The following GPM6A variants were observed in gnomAD, a reference collection of about 807,000 sequenced individuals.
The protein encoded by GPM6A is glycoprotein M6A, also known as neuronal membrane glycoprotein M6-a.
A neutral mutation model predicts 32.1 loss-of-function variants in GPM6A; 7 were observed. The observed-to-expected ratio is 0.22, with a 90% confidence interval of 0.12 to 0.41. The LOEUF (loss-of-function observed/expected upper bound fraction) is 0.41. Among genes scored for constraint, GPM6A ranks in the 10% least tolerant of loss-of-function variants. The probability of loss-of-function intolerance (pLI) is 1.00; values close to 1 mark genes in which losing one functional copy is unlikely to be tolerated. For missense variants in GPM6A, 235 were observed against 347.2 expected (o/e 0.68, Z 2.57); for synonymous variants, 130 against 123.4 (o/e 1.05, Z -0.35).
At chr4:175,994,160 G>T (rs1457251338) in intron 1 of GPM6A, among the ~76,000 whole-genome samples, 1 of 152,110 alleles carries the variant, frequency 6.6e-6, no homozygotes, top group African/African-American at 2.4e-5. Flanking sequence ...GAGACAGGAG[G>T]TTATTAGTAA....
chr4:175,831,715 C>CTTTTTT (rs780096379), intron 1 of GPM6A, among the ~76,000 whole-genome samples: 1,402 of 69,692 alleles, frequency 0.02, 34 homozygotes, highest in Non-Finnish European at 0.026. Context: ...TTAGCCATCT[C>CTTTTTT]TTTTTTTTTT....
chr4:175,793,952 C>A (rs910605052), intron 1 of GPM6A, among the ~76,000 whole-genome samples: 1 of 151,664 alleles, frequency 6.6e-6, no homozygotes, highest in Non-Finnish European at 1.5e-5. Context: ...AGTCTTTGCT[C>A]ATTTTACTTT....
intron 1 of GPM6A, among the ~76,000 whole-genome samples, chr4:175,809,039 C>T (rs1399718319): frequency 1.3e-5 from 2 of 152,162 alleles, no homozygotes; most frequent in Non-Finnish European, 2.9e-5. Flanking sequence ...TTCAGCAAGG[C>T]CTTCATTAGG....
chr4:175,637,491 T>A (rs1193743551), intron 6 of GPM6A, among the ~76,000 whole-genome samples: 1 of 72,852 alleles, frequency 1.4e-5, no homozygotes. Flanking sequence ...ATATATGACC[T>A]TTATATATAT....
intron 1 of GPM6A, among the ~76,000 whole-genome samples, chr4:175,783,471 G>C (rs969817894): frequency 1.3e-5 from 2 of 151,848 alleles, no homozygotes; most frequent in Non-Finnish European, 2.9e-5. Context: ...TATGAAAGGA[G>C]CTTAACATAC....
At chr4:175,990,795 T>C (rs567596588) in intron 1 of GPM6A, among the ~76,000 whole-genome samples, 1 of 152,228 alleles carries the variant, frequency 6.6e-6, no homozygotes, top group East Asian at 1.9e-4. Context: ...TCCCTTTACC[T>C]GTCAGCTGAT....
chr4:175,683,691 C>T (rs1229900107), intron 2 of GPM6A, among the ~76,000 whole-genome samples: 1 of 152,088 alleles, frequency 6.6e-6, no homozygotes, highest in African/African-American at 2.4e-5. Context: ...CTCTCTTGCT[C>T]CTGCTCTGGC....
chr4:175,656,849 T>A (rs1051238375), intron 3 of GPM6A, among the ~76,000 whole-genome samples: 1 of 152,126 alleles, frequency 6.6e-6, no homozygotes, highest in African/African-American at 2.4e-5. Context: ...CTGACTCTGA[T>A]TGCACAAGTC....
chr4:175,775,152 A>G (rs536493128), intron 1 of GPM6A, among the ~76,000 whole-genome samples: 2 of 152,264 alleles, frequency 1.3e-5, no homozygotes, highest in South Asian at 2.1e-4. Context: ...TTGCTCTAGA[A>G]CACTGCAAGG....
intron 1 of GPM6A, among the ~76,000 whole-genome samples, chr4:175,761,407 A>G (rs1170065662): frequency 1.3e-5 from 2 of 152,128 alleles, no homozygotes; most frequent in African/African-American, 4.8e-5. Context: ...CAAAAATTCT[A>G]ATCGCTACAC....
chr4:175,662,239 C>T (rs1250903152), intron 3 of GPM6A, among the ~76,000 whole-genome samples: 1 of 151,876 alleles, frequency 6.6e-6, no homozygotes, highest in Non-Finnish European at 1.5e-5. Flanking sequence ...AGGAGCACAC[C>T]CTCTTGCCTG....
At chr4:175,873,769 C>T (rs1266709322) in intron 1 of GPM6A, among the ~76,000 whole-genome samples, 2 of 152,260 alleles carry the variant, frequency 1.3e-5, no homozygotes, top group South Asian at 2.1e-4. Flanking sequence ...CTATTACAGA[C>T]TCTCAATATG....
intron 1 of GPM6A, among the ~76,000 whole-genome samples, chr4:175,927,516 T>A (rs982622679): frequency 1.3e-5 from 2 of 152,360 alleles, no homozygotes; most frequent in African/African-American, 4.8e-5. Context: ...ACACATATCC[T>A]CATGCTTTAT....
At chr4:175,884,156 A>G (rs1388901415) in intron 1 of GPM6A, among the ~76,000 whole-genome samples, 1 of 152,192 alleles carries the variant, frequency 6.6e-6, no homozygotes, top group Admixed American at 6.5e-5. Flanking sequence ...AATATTTGTC[A>G]AGCATTACTT....
intron 1 of GPM6A, among the ~76,000 whole-genome samples, chr4:175,887,376 G>A (rs183243406): frequency 1.6e-3 from 239 of 151,930 alleles, no homozygotes; most frequent in African/African-American, 5.5e-3. Flanking sequence ...CTGAACTTCA[G>A]TGAAAAAAAT....
chr4:175,996,530 C>T (rs990326504), intron 1 of GPM6A, among the ~76,000 whole-genome samples: 2 of 152,222 alleles, frequency 1.3e-5, no homozygotes, highest in Non-Finnish European at 2.9e-5. Context: ...GAACAGTACC[C>T]TACAATAGCC....
At chr4:175,654,263 AG>A (rs1294128227) in intron 3 of GPM6A, 2 of 152,186 alleles carry the variant, frequency 1.3e-5, no homozygotes, top group Non-Finnish European at 2.9e-5. Context: ...TAGCAATAAA[AG>A]GGGGTCTTCA....
At chr4:175,672,931 A>G (rs1451696593) in intron 3 of GPM6A, among the ~76,000 whole-genome samples, 1 of 152,198 alleles carries the variant, frequency 6.6e-6, no homozygotes, top group Non-Finnish European at 1.5e-5. Context: ...GTGAGATTGA[A>G]GTAATTTACA....
chr4:175,838,961 A>G (rs931064999), intron 1 of GPM6A, among the ~76,000 whole-genome samples: 4 of 151,992 alleles, frequency 2.6e-5, no homozygotes, highest in African/African-American at 4.8e-5. Flanking sequence ...ACCATGCCCA[A>G]CTGAAAATTT....
Sources: allele counts gnomAD v4.1 joint callset (sites outside exome capture counted in the v4.1 genomes callset), GRCh38; gene constraint gnomAD v4.1.1; transcripts MANE v1.5; gene names NCBI Gene and HGNC (gene_info 2026-07-23, HGNC 2026-07-21).